Variants in EHD4 observed in about 807,000 individuals in gnomAD.
EHD4 encodes EH domain-containing protein 4.
In EHD4, 37 loss-of-function variants were observed where a neutral mutation model predicts 51.0. The ratio of observed to expected loss-of-function variants is 0.73; its 90% CI spans 0.56 to 0.95. The LOEUF (loss-of-function observed/expected upper bound fraction) is 0.95. Ranked by LOEUF, EHD4 falls within the 40% of genes least tolerant of loss-of-function variation. The pLI, the probability that EHD4 is intolerant of heterozygous loss-of-function variation, is 0.00. For synonymous variants in EHD4, 297 were observed against 317.3 expected (o/e 0.94, Z 0.68); for missense variants, 632 against 733.1 (o/e 0.86, Z 1.59).
At chr15:41,935,056 C>A (rs1352049049) in intron 3 of EHD4, among the ~76,000 whole-genome samples, 1 of 152,132 alleles carries the variant, frequency 6.6e-6, no homozygotes, top group East Asian at 1.9e-4. Flanking sequence ...CCTGGCTGCT[C>A]CCTAGCCTCT....
chr15:41,960,861 C>T (rs539006627), intron 1 of EHD4, among the ~76,000 whole-genome samples: 43 of 151,918 alleles, frequency 2.8e-4, no homozygotes, highest in Non-Finnish European at 5.1e-4. Context: ...TTAGTAGAGA[C>T]GGGGTTTTAC....
chr15:41,902,727 A>G (rs1009778012), intron 5 of EHD4, among the ~76,000 whole-genome samples: 22 of 151,078 alleles, frequency 1.5e-4, no homozygotes, highest in African/African-American at 5.4e-4. Context: ...TGGTCATTAG[A>G]CCCATATATA....
intron 2 of EHD4, among the ~76,000 whole-genome samples, chr15:41,949,122 C>A (rs1367628295): frequency 1.3e-5 from 2 of 149,352 alleles, no homozygotes; most frequent in African/African-American, 4.9e-5. Context: ...GTAATCCCAG[C>A]ACTTTGGGAG....
chr15:41,909,857 C>T lies in EHD4; in HGVS notation c.931G>A (p.Ala311Thr), dbSNP rs1444340204. 6.2e-7 allele frequency: 1 copy of T among 1,614,208 alleles called. No individual in the cohort carries two copies. Residue 311 changes from alanine to threonine, a missense_variant, in exon 5 of 6, where the codon GCC becomes ACC. By Grantham distance (58) the Ala-to-Thr change is moderately conservative. Coordinates refer to ENST00000220325, the MANE Select transcript of EHD4 (RefSeq NM_139265.4). The part of the protein sequence containing the change: ...IKRARLAKVH[A>T]YIISYLKKEM... ...TTCTTCAGGTAGCTGATGATGTAGG[C>T]ATGCACCTGGAGGGGTATAGATCAG...
Position 41,905,035 on chromosome 15 carries a change from C to T in EHD4, c.1090-3854G>A, listed in dbSNP as rs147443179. Reference sequence around the variant, plus strand: ...AAAGCTGGCATCAGCGAGCTCTCTGCGTGACCCTGATATGTGCAAAGATCA... The same window carrying T: ...AAAGCTGGCATCAGCGAGCTCTCTGTGTGACCCTGATATGTGCAAAGATCA... On this transcript the variant is annotated intron_variant, in intron 5 of 5. Transcript: ENST00000220325. 7.2e-3 allele frequency among the ~76,000 whole-genome samples: 1,091 copies of T among 152,356 alleles called. 19 individuals are homozygous for T. Among genetic ancestry groups the T allele is most frequent in the African/African-American group, 0.025 (1,034 of 41,580 alleles).
intron 4 of EHD4, among the ~76,000 whole-genome samples, chr15:41,914,204 T>A (rs2067568171): frequency 6.6e-6 from 1 of 152,058 alleles, no homozygotes. Context: ...CAGGCAGTAG[T>A]TTGGGGAAGG....
chr15:41,925,059 CA>C (rs10612546), intron 3 of EHD4, among the ~76,000 whole-genome samples: 88,408 of 139,668 alleles, frequency 0.63, 27,932 homozygotes, highest in East Asian at 0.9. Context: ...GACTGTATCT[CA>C]AAAAAAAAAA....
At chr15:41,970,496 A>G (rs1349781298) in intron 1 of EHD4, among the ~76,000 whole-genome samples, 1 of 152,266 alleles carries the variant, frequency 6.6e-6, no homozygotes, top group East Asian at 1.9e-4. Flanking sequence ...TGAAACAGAG[A>G]GAAGAGTGAG....
chr15:41,950,085 G>A (rs1192517820), intron 2 of EHD4, among the ~76,000 whole-genome samples: 1 of 152,240 alleles, frequency 6.6e-6, no homozygotes, highest in African/African-American at 2.4e-5. Flanking sequence ...CATTTCCATA[G>A]ACCTCTGTGT....
At chr15:41,926,944 G>T (rs745774016) in intron 3 of EHD4, among the ~76,000 whole-genome samples, 2 of 152,178 alleles carry the variant, frequency 1.3e-5, no homozygotes, top group South Asian at 2.1e-4. Context: ...GAACAGAACC[G>T]CCTTTCCTGT....
At chr15:41,935,040 C>T (rs1026140924) in intron 3 of EHD4, among the ~76,000 whole-genome samples, 3 of 152,178 alleles carry the variant, frequency 2.0e-5, no homozygotes, top group Non-Finnish European at 4.4e-5. Context: ...TCATCACCCA[C>T]CACTTCCTGG....
In EHD4 at chr15:41,896,691, G is replaced by A. The variant is rs2067440948; in HGVS notation, c.*3954C>T. 1 of 152,202 alleles carries A rather than the reference G, an allele frequency of 6.6e-6. No homozygotes were observed. The highest frequency in any genetic ancestry group is 2.4e-5 in the African/African-American group (1 of 41,416). The allele number at this position is 152,202 out of a possible 1,614,324, so 9.4% of individuals were successfully genotyped here. On this transcript the variant is annotated 3_prime_UTR_variant, in exon 6 of 6. Transcript: ENST00000220325. The stretch of plus-strand genomic sequence containing the variant: ...GGCAGGGGCAGTGCTGGACAGGCAG[G>A]GGCTCCTCCCTAGCACGACTGGAGA...
At chr15:41,941,516 T>G (rs913938027) in intron 3 of EHD4, 4 of 152,126 alleles carry the variant, frequency 2.6e-5, no homozygotes, top group African/African-American at 9.7e-5. Flanking sequence ...CATAAACATC[T>G]ATACTTTTAT....
chr15:41,954,955 T>A (rs144281555), intron 1 of EHD4, among the ~76,000 whole-genome samples: 58 of 152,320 alleles, frequency 3.8e-4, no homozygotes, highest in Non-Finnish European at 7.5e-4. Context: ...TTAGCAACCT[T>A]AACGGGCTAT....
intron 2 of EHD4, among the ~76,000 whole-genome samples, chr15:41,950,553 T>C (rs1427308224): frequency 6.6e-6 from 1 of 152,258 alleles, no homozygotes; most frequent in Non-Finnish European, 1.5e-5. Flanking sequence ...TATGTACACA[T>C]ATTTGAACGC....
At chr15:41,955,838 T>A (rs1047546761) in intron 1 of EHD4, among the ~76,000 whole-genome samples, 2 of 152,122 alleles carry the variant, frequency 1.3e-5, no homozygotes, top group African/African-American at 4.8e-5. Flanking sequence ...AATTTAGGTT[T>A]TACAGCCCCT....
chr15:41,929,227 A>C (rs2067683210), intron 3 of EHD4, among the ~76,000 whole-genome samples: 1 of 152,222 alleles, frequency 6.6e-6, no homozygotes, highest in Admixed American at 6.5e-5. Flanking sequence ...ATTTTGTCCA[A>C]GACTCTGTAA....
chr15:41,914,605 G>A (rs886683092), intron 4 of EHD4, among the ~76,000 whole-genome samples: 31 of 152,054 alleles, frequency 2.0e-4, no homozygotes. Flanking sequence ...CCATTTATGG[G>A]CTCAAGCACT....
intron 2 of EHD4, among the ~76,000 whole-genome samples, chr15:41,949,102 GCTCATGC>G (rs2067836371): frequency 7.4e-6 from 1 of 134,770 alleles, no homozygotes; most frequent in Non-Finnish European, 1.6e-5. Flanking sequence ...AGGCATGGTG[GCTCATGC>G]CTGTAATCCC....
Sources: allele counts gnomAD v4.1 joint callset (sites outside exome capture counted in the v4.1 genomes callset), GRCh38; gene constraint gnomAD v4.1.1; transcripts MANE v1.5; gene names NCBI Gene and HGNC (gene_info 2026-07-23, HGNC 2026-07-21).